CD2AP: variants seen among roughly 807,000 people sequenced by gnomAD.
CD2AP encodes CD2 associated protein.
In CD2AP, 46 loss-of-function variants were observed where a neutral mutation model predicts 85.1. The observed-to-expected ratio is 0.54, with a 90% CI of 0.43 to 0.69. CD2AP has a LOEUF of 0.69. Among genes scored for constraint, CD2AP ranks in the 30% least tolerant of loss-of-function variants. The pLI is 0.00. For missense variants in CD2AP, 769 were observed against 729.5 expected, an observed-to-expected ratio of 1.05 and a Z score of -0.62; for synonymous variants, 255 against 252.9, an observed-to-expected ratio of 1.01 and a Z score of -0.08.
chr6:47,610,049 A>T (rs190090556), intron 16 of CD2AP, among the ~76,000 whole-genome samples: 12 of 152,146 alleles, frequency 7.9e-5, no homozygotes, highest in African/African-American at 2.6e-4. Flanking sequence ...AACTCTGAAA[A>T]TTTTTTGATA....
At chr6:47,568,192 G>A (rs998973168) in intron 5 of CD2AP, among the ~76,000 whole-genome samples, 4 of 152,174 alleles carry the variant, frequency 2.6e-5, no homozygotes, top group African/African-American at 4.8e-5. Context: ...ATGATGTATC[G>A]TTAAAATAGA....
At chr6:47,615,512 G>C (rs1301752287) in intron 17 of CD2AP, among the ~76,000 whole-genome samples, 1 of 152,074 alleles carries the variant, frequency 6.6e-6, no homozygotes, top group African/African-American at 2.4e-5. Flanking sequence ...GGAGCACACA[G>C]TTCATGTGGC....
intron 1 of CD2AP, among the ~76,000 whole-genome samples, chr6:47,495,841 C>G (rs1411733307): frequency 6.6e-6 from 1 of 152,070 alleles, no homozygotes; most frequent in East Asian, 1.9e-4. Flanking sequence ...TATGCTTTTT[C>G]TGTTATTTTA....
At chr6:47,574,854 T>C (rs572580668) in intron 6 of CD2AP, among the ~76,000 whole-genome samples, 3 of 152,232 alleles carry the variant, frequency 2.0e-5, no homozygotes, top group Non-Finnish European at 4.4e-5. Flanking sequence ...CCTTAAGCTG[T>C]TAATTTGGTG....
chr6:47,554,704 A>C lies in CD2AP; in HGVS notation c.479A>C (p.Asn160Thr). The C allele has an allele frequency of 6.2e-7, 1 of 1,613,728 alleles. No individual in the cohort carries two copies. The highest frequency in any genetic ancestry group is 1.7e-5 in the Admixed American group (1 of 60,010). Residue 160 changes from asparagine to threonine, a missense_variant, in exon 5 of 18, where the codon AAT (asparagine) becomes ACT (threonine). By Grantham distance (65) the Asn-to-Thr change is moderately conservative (BLOSUM62 0). Transcript: ENST00000359314. ...AACAAGTTGGGACTGTTTCCCTCAA[A>C]TTTTGTGAAAGAATTAGAGGTAACA... ...LNNKLGLFPS[N>T]FVKELEVTDD...
At chr6:47,581,883 C>G in intron 10 of CD2AP, 120 bp from the exon 11 acceptor site, 1 of 707,602 alleles carries the variant, frequency 1.4e-6, no homozygotes, top group South Asian at 1.6e-5. Context: ...ATTGTTCTTT[C>G]TATTAAACCA....
chr6:47,599,265 T>C (rs757566642), intron 12 of CD2AP, 36 bp from the exon 13 acceptor site: 55 of 1,588,588 alleles, frequency 3.5e-5, no homozygotes, highest in Non-Finnish European at 4.3e-5. Context: ...TCGTGTTTCA[T>C]ACTAGTGATT....
chr6:47,592,593 C>T (rs924157533), intron 11 of CD2AP, among the ~76,000 whole-genome samples: 3 of 152,062 alleles, frequency 2.0e-5, no homozygotes, highest in Non-Finnish European at 2.9e-5. Flanking sequence ...ATCTTTCAAC[C>T]ACGTCTGAGT....
At chr6:47,614,203 C>T (rs1188334648) in intron 17 of CD2AP, among the ~76,000 whole-genome samples, 2 of 152,166 alleles carry the variant, frequency 1.3e-5, no homozygotes, top group Admixed American at 6.5e-5. Flanking sequence ...AAGAACTTTT[C>T]CTTTGCAATC....
At chr6:47,538,106 T>G (rs1767102544) in intron 3 of CD2AP, among the ~76,000 whole-genome samples, 1 of 152,138 alleles carries the variant, frequency 6.6e-6, no homozygotes, top group South Asian at 2.1e-4. Flanking sequence ...ACATATGTCA[T>G]GTATTCATGT....
rs1768459068 is a variant in CD2AP, at chr6:47,580,876, C to T, written c.1021C>T (p.Pro341Ser). 1 of 1,608,470 alleles carries T rather than the reference C, an allele frequency of 6.2e-7. No individual in the cohort carries two copies. The highest frequency in any genetic ancestry group is 2.2e-5 in the East Asian group (1 of 44,762). Residue 341 changes from proline (P) to serine (S), a missense_variant, in exon 10 of 18, where the codon CCA becomes TCA. Pro to Ser is a moderately conservative substitution (Grantham distance 74, BLOSUM62 -1). Coordinates refer to ENST00000359314, the MANE Select transcript of CD2AP (RefSeq NM_012120.3). ...LDKDFPKPKK[P>S]PPPAKAPAPK... Reference sequence around the variant, plus strand: ...ATTATTTTAACAGAAACCAAAGAAACCACCACCTCCTGCTAAGGCTCCAGG... The same window carrying T: ...ATTATTTTAACAGAAACCAAAGAAATCACCACCTCCTGCTAAGGCTCCAGG...
At chr6:47,620,824 T>C (rs1173095587) in intron 17 of CD2AP, among the ~76,000 whole-genome samples, 2 of 152,158 alleles carry the variant, frequency 1.3e-5, no homozygotes, top group Admixed American at 1.3e-4. Context: ...TAAAAGGGGT[T>C]GAGTTCTTGA....
rs1026778039 is a variant in CD2AP at position 47,624,588 on chromosome 6, A to C, written c.*361A>C. On this transcript the variant is annotated 3_prime_UTR_variant, in exon 18 of 18. Coordinates refer to ENST00000359314, the MANE Select transcript of CD2AP (RefSeq NM_012120.3). The stretch of plus-strand genomic sequence containing the variant: ...AAATATGGTGATATATTTACAAGTA[A>C]TCTGTTAAGATATACTATTTGAGAG... The C allele has an allele frequency of 2.5e-5, 3 of 119,726 alleles. No individual in the cohort carries two copies. The highest frequency in any genetic ancestry group is 5.3e-5 in the African/African-American group (1 of 19,022). The allele number at this position is 119,726 out of a possible 1,614,324, so 7.4% of individuals were successfully genotyped here. A position where few individuals can be genotyped will look rare whatever the true frequency, so the allele number is the denominator to read the frequency against.
At chr6:47,584,596 C>T (rs1768571419) in intron 11 of CD2AP, among the ~76,000 whole-genome samples, 1 of 152,132 alleles carries the variant, frequency 6.6e-6, no homozygotes, top group Admixed American at 6.5e-5. Context: ...AAATGTAGCA[C>T]TCACTCTCTA....
intron 5 of CD2AP, among the ~76,000 whole-genome samples, chr6:47,556,164 G>C (rs192623727): frequency 3.3e-5 from 5 of 149,668 alleles, no homozygotes; most frequent in Non-Finnish European, 7.4e-5. Context: ...CTATCAACCC[G>C]TCATCTACAT....
At chr6:47,610,971 A>ATATATATATT in intron 16 of CD2AP, among the ~76,000 whole-genome samples, 16 of 112,904 alleles carry the variant, frequency 1.4e-4, no homozygotes, top group African/African-American at 3.6e-4. Context: ...ATATATATGT[A>ATATATATATT]TTTTTTTTTT....
intron 4 of CD2AP, among the ~76,000 whole-genome samples, chr6:47,546,816 A>G (rs1194091681): frequency 6.6e-6 from 1 of 152,232 alleles, no homozygotes; most frequent in East Asian, 1.9e-4. Context: ...AGTCTATCAA[A>G]TTAACAGCAG....
chr6:47,518,126 A>T (rs1766500537), intron 2 of CD2AP, among the ~76,000 whole-genome samples: 1 of 152,152 alleles, frequency 6.6e-6, no homozygotes, highest in African/African-American at 2.4e-5. Flanking sequence ...GTTGTTACAA[A>T]GGTTTTCCCC....
At chr6:47,533,414 C>T (rs1766941385) in intron 2 of CD2AP, among the ~76,000 whole-genome samples, 188 bp from the exon 3 acceptor site, 1 of 152,150 alleles carries the variant, frequency 6.6e-6, no homozygotes, top group South Asian at 2.1e-4. Context: ...AAAACTTAAA[C>T]TCATGAGTCA....
Sources: allele counts gnomAD v4.1 joint callset (sites outside exome capture counted in the v4.1 genomes callset), GRCh38; gene constraint gnomAD v4.1.1; transcripts MANE v1.5; gene names NCBI Gene and HGNC (gene_info 2026-07-23, HGNC 2026-07-21).